Variants in ATP2B2 observed in about 807,000 individuals in gnomAD.
ATP2B2 encodes the protein plasma membrane calcium-transporting ATPase 2.
Under a neutral mutation model 120.0 loss-of-function variants are expected in ATP2B2, and 15 were observed. The ratio of observed to expected loss-of-function variants is 0.12; its 90% CI spans 0.08 to 0.19. The LOEUF (loss-of-function observed/expected upper bound fraction) is 0.19. Among genes scored for constraint, ATP2B2 ranks in the 10% least tolerant of loss-of-function variants. ATP2B2 has a pLI of 1.00. For missense variants in ATP2B2, 1,045 were observed against 1,719.8 expected (o/e 0.61, Z 6.94); for synonymous variants, 694 against 700.3 (o/e 0.99, Z 0.14).
chr3:10,480,962 C>T (rs1181534262), intron 1 of ATP2B2, among the ~76,000 whole-genome samples: 6 of 152,234 alleles, frequency 3.9e-5, no homozygotes, highest in Non-Finnish European at 8.8e-5. Flanking sequence ...TATCTCACAC[C>T]ACTATCTGCT....
chr3:10,671,571 T>C (rs2071097738), intron 1 of ATP2B2, among the ~76,000 whole-genome samples: 1 of 152,148 alleles, frequency 6.6e-6, no homozygotes, highest in Non-Finnish European at 1.5e-5. Context: ...ATGGAATTTA[T>C]GGAAAGTCCC....
At chr3:10,552,763 C>T (rs2067696729) in intron 2 of ATP2B2, among the ~76,000 whole-genome samples, 1 of 152,206 alleles carries the variant, frequency 6.6e-6, no homozygotes, top group African/African-American at 2.4e-5. Context: ...AGGAAATTTA[C>T]AAATGGGTGT....
chr3:10,364,603 C>T (rs546403745), intron 12 of ATP2B2, among the ~76,000 whole-genome samples: 4 of 151,594 alleles, frequency 2.6e-5, no homozygotes, highest in Admixed American at 6.6e-5. Context: ...CCCAGTTACT[C>T]GAGAAGCTGA....
At chr3:10,457,569 TGA>T (rs55745980) in intron 1 of ATP2B2, among the ~76,000 whole-genome samples, 136,540 of 150,630 alleles carry the variant, frequency 0.91, 62,049 homozygotes, top group African/African-American at 0.94. Flanking sequence ...TGTGTGTGTG[TGA>T]GAGAGAGAGA....
At position 10,350,422 on chromosome 3, in the gene ATP2B2, C is replaced by T. The variant is rs1273598870; in HGVS notation, c.2292G>A (p.Arg764=). ...CCTCCCCCTTCTCGTTGCGGATCCTCCTGTTGAACTCCTTGCCCTCGAGGC... is the reference window on the plus strand; with the variant it reads ...CCTCCCCCTTCTCGTTGCGGATCCTTCTGTTGAACTCCTTGCCCTCGAGGC... ...FLCLEGKEFN[R]RIRNEKGEIE... is the part of the protein sequence containing the mutation. Residue 764 remains arginine, a synonymous_variant, in exon 15 of 23, where the codon AGG becomes AGA. Transcript: ENST00000360273. 6.2e-7 allele frequency: 1 copy of T among 1,614,234 alleles called. No individual in the cohort carries two copies. Among genetic ancestry groups the T allele is most frequent in the South Asian group, 1.1e-5 (1 of 91,084 alleles).
At chr3:10,431,757 A>T (rs1450661863) in intron 2 of ATP2B2, among the ~76,000 whole-genome samples, 1 of 152,046 alleles carries the variant, frequency 6.6e-6, no homozygotes, top group African/African-American at 2.4e-5. Flanking sequence ...TTAAAAAAAA[A>T]AAAAGGATTT....
intron 2 of ATP2B2, among the ~76,000 whole-genome samples, chr3:10,588,246 T>TA (rs2068560088): frequency 6.6e-6 from 1 of 152,206 alleles, no homozygotes; most frequent in Admixed American, 6.5e-5. Flanking sequence ...AGCACCTCTC[T>TA]AGTCATGATG....
intron 14 of ATP2B2, among the ~76,000 whole-genome samples, chr3:10,357,109 C>T (rs1255257639): frequency 6.6e-6 from 1 of 152,116 alleles, no homozygotes; most frequent in Non-Finnish European, 1.5e-5. Context: ...ATGTCTAGGG[C>T]TGTTACGTGT....
intron 2 of ATP2B2, among the ~76,000 whole-genome samples, chr3:10,535,883 T>C (rs564070411): frequency 6.6e-6 from 1 of 152,312 alleles, no homozygotes; most frequent in African/African-American, 2.4e-5. Flanking sequence ...AAGAGTGCAA[T>C]TGTTGGGTTG....
At chr3:10,453,001 T>G (rs967471744) in intron 1 of ATP2B2, among the ~76,000 whole-genome samples, 1 of 152,240 alleles carries the variant, frequency 6.6e-6, no homozygotes, top group African/African-American at 2.4e-5. Flanking sequence ...AGCTTCAGCA[T>G]CTATAATTTG....
intron 1 of ATP2B2, among the ~76,000 whole-genome samples, chr3:10,628,974 T>C (rs145676779): frequency 6.6e-6 from 1 of 152,234 alleles, no homozygotes; most frequent in East Asian, 1.9e-4. Flanking sequence ...ATATCTATCG[T>C]TGGCTCATTA....
intron 1 of ATP2B2, among the ~76,000 whole-genome samples, chr3:10,469,397 A>T (rs1329697854): frequency 2.0e-5 from 3 of 152,248 alleles, no homozygotes; most frequent in Non-Finnish European, 1.5e-5. Context: ...GCTGGGATGG[A>T]TACTCAATAC....
At chr3:10,396,803 A>G (rs542677780) in intron 5 of ATP2B2, among the ~76,000 whole-genome samples, 1 of 152,000 alleles carries the variant, frequency 6.6e-6, no homozygotes, top group African/African-American at 2.4e-5. Context: ...ACATTTCTGG[A>G]GGTTCCAGAT....
At chr3:10,594,299 A>G (rs1448844385) in intron 2 of ATP2B2, among the ~76,000 whole-genome samples, 1 of 152,190 alleles carries the variant, frequency 6.6e-6, no homozygotes, top group Non-Finnish European at 1.5e-5. Flanking sequence ...TCACAATAGC[A>G]AAGACTTGGA....
chr3:10,614,061 T>C (rs896269362), intron 2 of ATP2B2, among the ~76,000 whole-genome samples: 1 of 151,952 alleles, frequency 6.6e-6, no homozygotes, highest in African/African-American at 2.4e-5. Flanking sequence ...CTGAGCACCT[T>C]ATATAAAGTA....
At chr3:10,456,230 C>T (rs904024107) in intron 1 of ATP2B2, among the ~76,000 whole-genome samples, 2 of 152,220 alleles carry the variant, frequency 1.3e-5, no homozygotes, top group African/African-American at 2.4e-5. Flanking sequence ...CTGGGACAGT[C>T]GTACATGAAT....
upstream of ATP2B2, chr3:10,708,053 C>CCCG (rs1055075732): frequency 7.0e-5 from 10 of 143,256 alleles, no homozygotes; most frequent in African/African-American, 2.0e-4. Flanking sequence ...GCCCCGCGGC[C>CCCG]CCGCCGCCGC....
chr3:10,663,453 C>T (rs2070842041), intron 1 of ATP2B2, among the ~76,000 whole-genome samples: 1 of 152,232 alleles, frequency 6.6e-6, no homozygotes, highest in South Asian at 2.1e-4. Context: ...TCTAGTAGGG[C>T]AGCTGCAAGC....
At chr3:10,471,312 G>T (rs557258552) in intron 1 of ATP2B2, among the ~76,000 whole-genome samples, 1 of 152,196 alleles carries the variant, frequency 6.6e-6, no homozygotes, top group Admixed American at 6.5e-5. Context: ...CTGTGTTCCA[G>T]GCCACGGGAG....
Sources: allele counts gnomAD v4.1 joint callset (sites outside exome capture counted in the v4.1 genomes callset), GRCh38; gene constraint gnomAD v4.1.1; transcripts MANE v1.5; gene names NCBI Gene and HGNC (gene_info 2026-07-23, HGNC 2026-07-21).